Variants in RFTN2 observed in about 807,000 individuals in gnomAD.
The protein encoded by RFTN2 is raftlin-2.
RFTN2 carries 34 observed loss-of-function variants against 52.7 expected under a neutral mutation model. The observed-to-expected ratio is 0.64, with a 90% CI of 0.49 to 0.86. The LOEUF is 0.86. Ranked by LOEUF, RFTN2 falls within the 40% of genes least tolerant of loss-of-function variation. The pLI, the probability that RFTN2 is intolerant of heterozygous loss-of-function variation, is 0.00. For synonymous variants in RFTN2, 203 were observed against 217.7 expected, an observed-to-expected ratio of 0.93 and a Z score of 0.59; for missense variants, 536 against 600.1, an observed-to-expected ratio of 0.89 and a Z score of 1.12.
intron 5 of RFTN2, among the ~76,000 whole-genome samples, chr2:197,619,323 T>C (rs1236589777): frequency 6.6e-6 from 1 of 151,990 alleles, no homozygotes; most frequent in East Asian, 1.9e-4. Context: ...GGGGAAAAGA[T>C]TGAGAAATCG....
At chr2:197,575,828 T>TAC (rs2087404494) in intron 8 of RFTN2, among the ~76,000 whole-genome samples, 1 of 84,326 alleles carries the variant, frequency 1.2e-5, no homozygotes, top group Admixed American at 1.4e-4. Context: ...ATATTCTATA[T>TAC]ATAATATATT....
At chr2:197,632,426 T>C (rs954768062) in intron 4 of RFTN2, among the ~76,000 whole-genome samples, 1 of 152,204 alleles carries the variant, frequency 6.6e-6, no homozygotes, top group African/African-American at 2.4e-5. Flanking sequence ...TGCTGGGCTT[T>C]CATTCTTCTC....
At chr2:197,594,035 GAGAC>G (rs2087758180) in intron 8 of RFTN2, among the ~76,000 whole-genome samples, 1 of 46,538 alleles carries the variant, frequency 2.1e-5, no homozygotes, top group Non-Finnish European at 4.5e-5. Flanking sequence ...TTTTTTTTTT[GAGAC>G]AGAGTCTCAC....
At chr2:197,586,859 A>AC (rs2087607774) in intron 8 of RFTN2, among the ~76,000 whole-genome samples, 1 of 152,144 alleles carries the variant, frequency 6.6e-6, no homozygotes, top group Non-Finnish European at 1.5e-5. Context: ...AGGACTCTGT[A>AC]TATTTTTTAA....
At chr2:197,644,095 T>C in intron 3 of RFTN2, 63 bp downstream of exon 3, 1 of 939,612 alleles carries the variant, frequency 1.1e-6, no homozygotes, top group Non-Finnish European at 1.8e-6. Flanking sequence ...AAAAAGGGAA[T>C]TGATGAAGAT....
chr2:197,644,778 C>G (rs2088724936), intron 2 of RFTN2, among the ~76,000 whole-genome samples: 1 of 152,160 alleles, frequency 6.6e-6, no homozygotes, highest in Non-Finnish European at 1.5e-5. Flanking sequence ...AGCAATCCTA[C>G]TATGCAAAAA....
chr2:197,638,879 G>A (rs1174888295), intron 3 of RFTN2, among the ~76,000 whole-genome samples: 24 of 150,994 alleles, frequency 1.6e-4, no homozygotes, highest in Non-Finnish European at 2.7e-4. Flanking sequence ...GGCTGGTACC[G>A]GTTGTTCCTT....
chr2:197,619,468 T>C (rs894579839), intron 5 of RFTN2, among the ~76,000 whole-genome samples: 6 of 152,082 alleles, frequency 3.9e-5, no homozygotes, highest in African/African-American at 1.4e-4. Context: ...CTCTGAAACA[T>C]GTGCTGTATC....
chr2:197,616,103 G>T (rs775848603), intron 6 of RFTN2, 124 bp from the exon 7 acceptor site: 1 of 588,578 alleles, frequency 1.7e-6, no homozygotes. Flanking sequence ...GCCTTCCTGG[G>T]CTTCATGTTC....
chr2:197,658,054 G>A (rs910374899), intron 1 of RFTN2, among the ~76,000 whole-genome samples: 3 of 152,032 alleles, frequency 2.0e-5, no homozygotes, highest in Non-Finnish European at 2.9e-5. Flanking sequence ...ATGTTTCCAC[G>A]ATAGGCTCAG....
intron 7 of RFTN2, among the ~76,000 whole-genome samples, chr2:197,606,887 G>A (rs2087970502): frequency 6.6e-6 from 1 of 152,158 alleles, no homozygotes; most frequent in African/African-American, 2.4e-5. Flanking sequence ...TGGTGGGACT[G>A]TAAACTAGTT....
chr2:197,587,037 T>C (rs961401722), intron 8 of RFTN2, among the ~76,000 whole-genome samples: 3 of 152,224 alleles, frequency 2.0e-5, no homozygotes, highest in Non-Finnish European at 2.9e-5. Flanking sequence ...AATTCTTTAA[T>C]ACCTGTTCTT....
intron 5 of RFTN2, among the ~76,000 whole-genome samples, chr2:197,626,645 G>A (rs1410537992): frequency 3.8e-5 from 4 of 105,634 alleles, no homozygotes; most frequent in South Asian, 3.2e-4. Flanking sequence ...TTTTTGAGAC[G>A]GAGTCTTGCA....
At chr2:197,589,081 T>C (rs1313143619) in intron 8 of RFTN2, among the ~76,000 whole-genome samples, 1 of 151,004 alleles carries the variant, frequency 6.6e-6, no homozygotes, top group East Asian at 1.9e-4. Context: ...ATTAGCCAGG[T>C]GTGGTGCTAC....
rs183737028 is a variant in RFTN2, at chr2:197,612,904, T to C, written c.1154+2972A>G. Among the ~76,000 whole-genome samples the C allele has an allele frequency of 9.8e-5, 15 of 152,338 alleles. No individual in the cohort carries two copies. In the East Asian group the frequency reaches 2.7e-3, roughly 27 times the overall value. On this transcript the variant is annotated intron_variant, in intron 7 of 8. Coordinates refer to ENST00000295049, the MANE Select transcript of RFTN2 (RefSeq NM_144629.3). Reference sequence around the variant, plus strand: ...GGAGAATGTTGAAATTACTTAAGACTCTGTTGTTGCATATAAGACAAACAC... The same window carrying C: ...GGAGAATGTTGAAATTACTTAAGACCCTGTTGTTGCATATAAGACAAACAC...
At chr2:197,590,514 A>C (rs1254040517) in intron 8 of RFTN2, among the ~76,000 whole-genome samples, 1 of 152,206 alleles carries the variant, frequency 6.6e-6, no homozygotes, top group Admixed American at 6.5e-5. Context: ...CCCCACAACA[A>C]GGGCATGAAA....
chr2:197,629,364 A>G (rs766207763), intron 5 of RFTN2, among the ~76,000 whole-genome samples: 1 of 152,000 alleles, frequency 6.6e-6, no homozygotes, highest in African/African-American at 2.4e-5. Context: ...CAAACACCAC[A>G]TGTTCTCACT....
At chr2:197,625,274 T>A (rs766307343) in intron 5 of RFTN2, among the ~76,000 whole-genome samples, 1 of 152,202 alleles carries the variant, frequency 6.6e-6, no homozygotes, top group Non-Finnish European at 1.5e-5. Context: ...AGGCTGAATA[T>A]CCTGAGGGTA....
chr2:197,634,788 A>G (rs913343803), intron 3 of RFTN2, among the ~76,000 whole-genome samples: 1 of 150,960 alleles, frequency 6.6e-6, no homozygotes, highest in African/African-American at 2.4e-5. Flanking sequence ...CACATTGTGC[A>G]GGTTAGTTAC....
Sources: allele counts gnomAD v4.1 joint callset (sites outside exome capture counted in the v4.1 genomes callset), GRCh38; gene constraint gnomAD v4.1.1; transcripts MANE v1.5; gene names NCBI Gene and HGNC (gene_info 2026-07-23, HGNC 2026-07-21).